The following TEX14 variants were observed in gnomAD, a reference collection of about 807,000 sequenced individuals.
TEX14 encodes the protein testis expressed 14, intercellular bridge forming factor.
TEX14 carries 168 observed loss-of-function variants against 178.6 expected under a neutral mutation model. That is an observed-to-expected ratio of 0.94 (90% CI 0.83 to 1.07). The LOEUF (loss-of-function observed/expected upper bound fraction) is 1.07. Among genes scored for constraint, TEX14 ranks in the 50% least tolerant of loss-of-function variants. The pLI, the probability that TEX14 is intolerant of heterozygous loss-of-function variation, is 0.00. For synonymous variants in TEX14, 626 were observed against 634.1 expected, an observed-to-expected ratio of 0.99 and a Z score of 0.19; for missense variants, 1,730 against 1,753.6, an observed-to-expected ratio of 0.99 and a Z score of 0.24.
intron 2 of TEX14, among the ~76,000 whole-genome samples, chr17:58,651,346 G>A (rs1246485595): frequency 6.6e-6 from 1 of 152,086 alleles, no homozygotes; most frequent in Non-Finnish European, 1.5e-5. Flanking sequence ...TTTGTTTGTT[G>A]GTTCTTTGGT....
intron 1 of TEX14, among the ~76,000 whole-genome samples, chr17:58,670,583 G>A (rs1158610152): frequency 6.6e-6 from 1 of 151,736 alleles, no homozygotes; most frequent in East Asian, 1.9e-4. Context: ...AGACCAGCCT[G>A]GCCAATATGG....
At chr17:58,576,547 C>A (rs941430315) in intron 21 of TEX14, among the ~76,000 whole-genome samples, 1 of 152,166 alleles carries the variant, frequency 6.6e-6, no homozygotes, top group African/African-American at 2.4e-5. Context: ...CACTTTATCC[C>A]AGTGGTAACA....
At chr17:58,689,996 C>T (rs1397054553) in intron 1 of TEX14, among the ~76,000 whole-genome samples, 1 of 147,778 alleles carries the variant, frequency 6.8e-6, no homozygotes, top group Non-Finnish European at 1.5e-5. Context: ...ACTACAGGCG[C>T]CCACCACCGC....
intron 10 of TEX14, among the ~76,000 whole-genome samples, 173 bp from the exon 11 acceptor site, chr17:58,605,302 C>T (rs2045580854): frequency 6.6e-6 from 1 of 152,196 alleles, no homozygotes. Context: ...TCAAGCGATT[C>T]TCCTGCCTCA....
chr17:58,571,114 C>T (rs375262127), intron 24 of TEX14, among the ~76,000 whole-genome samples: 3 of 152,126 alleles, frequency 2.0e-5, no homozygotes, highest in Non-Finnish European at 2.9e-5. Flanking sequence ...GCCCAATTAA[C>T]GGTTAAATGA....
intron 4 of TEX14, among the ~76,000 whole-genome samples, chr17:58,622,619 G>A (rs1234219408): frequency 6.6e-6 from 1 of 152,158 alleles, no homozygotes; most frequent in Non-Finnish European, 1.5e-5. Flanking sequence ...CTAGTTAAAT[G>A]GGTCAGACAA....
At chr17:58,586,800 C>G (rs1003059831) in intron 17 of TEX14, among the ~76,000 whole-genome samples, 1 of 151,472 alleles carries the variant, frequency 6.6e-6, no homozygotes, top group African/African-American at 2.4e-5. Flanking sequence ...GCATGTTCTC[C>G]CCGCATCTGC....
intron 1 of TEX14, among the ~76,000 whole-genome samples, chr17:58,678,289 T>G (rs2047429183): frequency 6.6e-6 from 1 of 152,254 alleles, no homozygotes; most frequent in Middle Eastern, 3.4e-3. Flanking sequence ...GATCTAGAAC[T>G]AGAAATACCA....
chr17:58,630,303 G>A (rs1052060856), intron 3 of TEX14, 137 bp downstream of exon 3: 22 of 579,224 alleles, frequency 3.8e-5, no homozygotes, highest in South Asian at 2.3e-4. Flanking sequence ...TGATCTGCCC[G>A]CCTTGGCCTC....
At chr17:58,572,537 C>G (rs989623597) in intron 23 of TEX14, among the ~76,000 whole-genome samples, 1 of 151,380 alleles carries the variant, frequency 6.6e-6, no homozygotes, top group Non-Finnish European at 1.5e-5. Context: ...GAGGCTGAGG[C>G]AGGAGAATGG....
chr17:58,563,690 G>A (rs2044332304), intron 28 of TEX14, among the ~76,000 whole-genome samples: 1 of 51,406 alleles, frequency 1.9e-5, no homozygotes, highest in East Asian at 7.5e-4. Flanking sequence ...GAGAGAGAGA[G>A]AGAGAGAGAG....
At chr17:58,577,114 T>C (rs2044696893) in intron 21 of TEX14, among the ~76,000 whole-genome samples, 1 of 152,172 alleles carries the variant, frequency 6.6e-6, no homozygotes, top group African/African-American at 2.4e-5. Flanking sequence ...GCTTCACAGA[T>C]GGGAAAATAG....
At chr17:58,630,581 C>T (rs765996461) in intron 2 of TEX14, 27 bp from the exon 3 acceptor site, 1 of 1,531,756 alleles carries the variant, frequency 6.5e-7, no homozygotes, top group African/African-American at 1.4e-5. Context: ...AGAATCAATG[C>T]AAATATCAGA....
chr17:58,688,357 TG>T (rs1338966151), intron 1 of TEX14, among the ~76,000 whole-genome samples: 1 of 152,130 alleles, frequency 6.6e-6, no homozygotes, highest in African/African-American at 2.4e-5. Context: ...TGACCTCAAG[TG>T]ATCTGCCAGC....
intron 5 of TEX14, among the ~76,000 whole-genome samples, chr17:58,619,146 G>A (rs1165555974): frequency 2.0e-5 from 3 of 152,198 alleles, no homozygotes; most frequent in East Asian, 3.8e-4. Flanking sequence ...GGTTACCAGT[G>A]ACGAGGCCTC....
rs1046554660 is a variant in TEX14, at chr17:58,613,446, G to A, written c.980C>T (p.Thr327Ile). ...TCGTTCATGAAGGACACTGAACAAT[G>A]TGCCGATAGTGATGCGCTCGTACAC... ...RLVYERITIG[T>I]LFSVLHERRS... Residue 327 changes from threonine to isoleucine, a missense_variant, in exon 9 of 32, where the codon ACA becomes ATA. Around this residue, in one of 2 missense-constraint regions of TEX14, gnomAD observed 789 missense variants for 681.2 expected, o/e 1.16. Transcript: ENST00000349033. 1 of 1,614,130 alleles carries A rather than the reference G, an allele frequency of 6.2e-7. No homozygotes were observed. Among genetic ancestry groups the A allele is most frequent in the South Asian group, 1.1e-5 (1 of 91,074 alleles).
intron 2 of TEX14, among the ~76,000 whole-genome samples, chr17:58,635,043 A>G (rs1316467561): frequency 2.0e-5 from 3 of 151,898 alleles, no homozygotes; most frequent in Non-Finnish European, 4.4e-5. Flanking sequence ...GAGGGAGGAG[A>G]ATTGCTGGAA....
chr17:58,573,458 T>C (rs938773496), intron 22 of TEX14, 150 bp from the exon 23 acceptor site: 13 of 685,442 alleles, frequency 1.9e-5, no homozygotes, highest in Middle Eastern at 8.4e-4. Flanking sequence ...ACATCTTATG[T>C]ATCTTAAAGA....
rs986900261 is a variant in TEX14, at chr17:58,601,920, T to C, written c.1564A>G (p.Ser522Gly). The C allele has an allele frequency of 1.9e-6, 3 of 1,613,366 alleles. No homozygotes were observed. Among genetic ancestry groups the C allele is most frequent in the Non-Finnish European group, 1.7e-6 (2 of 1,180,008 alleles). Reference protein sequence around the residue: ...TGAQRTQPTESPRVQRYGLHP... With the variant: ...TGAQRTQPTEGPRVQRYGLHP... Reference sequence around the variant, plus strand: ...AGTCCGTATCTCTGCACTCTGGGGCTCTCGGTTGGTTGAGTTCTCTGGGCT... The same window carrying C: ...AGTCCGTATCTCTGCACTCTGGGGCCCTCGGTTGGTTGAGTTCTCTGGGCT... The change falls in exon 13 of 32, where the codon AGC becomes GGC. Residue 522 changes from serine (S) to glycine (G), a missense_variant. Around this residue, in one of 2 missense-constraint regions of TEX14, gnomAD observed 789 missense variants for 681.2 expected, o/e 1.16. Transcript: ENST00000349033.
Sources: gnomAD v4.1 joint callset for allele counts (sites outside exome capture counted in the v4.1 genomes callset) on GRCh38, gnomAD v4.1.1 for gene constraint, gnomAD v4.1.1 regional missense constraint, MANE v1.5 for transcripts, NCBI Gene and HGNC (gene_info 2026-07-23, HGNC 2026-07-21) for gene names.